Variants in ARHGAP17 observed in about 807,000 individuals in gnomAD.
ARHGAP17 encodes the protein Rho GTPase activating protein 17.
ARHGAP17 carries 57 observed loss-of-function variants against 99.5 expected under a neutral mutation model. The observed-to-expected ratio is 0.57, with a 90% confidence interval of 0.46 to 0.71. ARHGAP17 has a LOEUF of 0.71. Ranked by LOEUF, ARHGAP17 falls within the 30% of genes least tolerant of loss-of-function variation. The pLI is 0.00. For missense variants in ARHGAP17, 1,000 were observed against 1,122.4 expected, an observed-to-expected ratio of 0.89 and a Z score of 1.56; for synonymous variants, 417 against 429.6, an observed-to-expected ratio of 0.97 and a Z score of 0.36.
intron 19 of ARHGAP17, among the ~76,000 whole-genome samples, chr16:24,925,490 G>A (rs542639976): frequency 2.4e-4 from 37 of 152,284 alleles, no homozygotes; most frequent in Non-Finnish European, 4.1e-4. Flanking sequence ...ATGATTTCTC[G>A]TCAGTTTTCT....
In ARHGAP17 at chr16:24,978,964, A is replaced by T; in HGVS notation, c.93+2T>A. 1 of 1,585,228 alleles carries T rather than the reference A, an allele frequency of 6.3e-7. No homozygotes were observed. The highest frequency in any genetic ancestry group is 8.5e-7 in the Non-Finnish European group (1 of 1,169,946). On this transcript the variant is annotated splice_donor_variant, in intron 2 of 19. Coordinates refer to ENST00000289968, the MANE Select transcript of ARHGAP17 (RefSeq NM_001006634.3). LOFTEE classifies it high-confidence loss of function. ...CATTTAAAGGAGACTATATTTTGTT[A>T]CCTGTAATAGATCTTCACTAAGGAC...
At chr16:24,993,032 C>T (rs944534367) in intron 1 of ARHGAP17, among the ~76,000 whole-genome samples, 5 of 152,120 alleles carry the variant, frequency 3.3e-5, no homozygotes, top group African/African-American at 9.7e-5. Flanking sequence ...AACTCCTCGC[C>T]GCAAGTGATC....
At chr16:24,993,584 G>A (rs1171728342) in intron 1 of ARHGAP17, among the ~76,000 whole-genome samples, 1 of 130,358 alleles carries the variant, frequency 7.7e-6, no homozygotes, top group East Asian at 2.5e-4. Flanking sequence ...GTGAGACTCT[G>A]TCTCAAAAAA....
At chr16:24,932,395 C>A (rs184452470) in intron 18 of ARHGAP17, among the ~76,000 whole-genome samples, 128 of 152,274 alleles carry the variant, frequency 8.4e-4, no homozygotes, top group African/African-American at 3.0e-3. Context: ...GAGGCCACCC[C>A]AATGACACGG....
intron 10 of ARHGAP17, among the ~76,000 whole-genome samples, chr16:24,953,455 T>G (rs1467136407): frequency 6.6e-6 from 1 of 152,094 alleles, no homozygotes; most frequent in Admixed American, 6.6e-5. Flanking sequence ...TGGGGGTGGA[T>G]TTCCCTTTTG....
intron 2 of ARHGAP17, among the ~76,000 whole-genome samples, chr16:24,977,744 A>G (rs1010468819): frequency 6.6e-6 from 1 of 152,158 alleles, no homozygotes; most frequent in Non-Finnish European, 1.5e-5. Context: ...CTAAAGCAGA[A>G]TGGACAGTCA....
At chr16:24,997,094 G>A (rs1003236983) in intron 1 of ARHGAP17, among the ~76,000 whole-genome samples, 10 of 152,338 alleles carry the variant, frequency 6.6e-5, no homozygotes, top group South Asian at 4.1e-4. Context: ...AAGGTGCCCA[G>A]TACACATCCA....
Position 24,935,649 on chromosome 16 carries a change from G to C in ARHGAP17, c.1725-10C>G, listed in dbSNP as rs769478021. ...CTTCGGTTTGGGAGGACTAAGAGGA[G>C]TAAAAGTCAAGTTAGACGTCAGACA... On this transcript the variant is annotated splice_polypyrimidine_tract_variant and intron_variant, in intron 17 of 19. Transcript: ENST00000289968. 6.2e-7 allele frequency: 1 copy of C among 1,613,398 alleles called. No individual in the cohort carries two copies. Among genetic ancestry groups the C allele is most frequent in the Non-Finnish European group, 8.5e-7 (1 of 1,179,888 alleles).
intron 17 of ARHGAP17, among the ~76,000 whole-genome samples, chr16:24,938,976 G>A (rs1309633472): frequency 2.0e-5 from 3 of 152,024 alleles, no homozygotes; most frequent in Admixed American, 6.6e-5. Flanking sequence ...CCAGGAATAC[G>A]AAAATTTAAC....
chr16:25,000,145 C>T (rs538881594), intron 1 of ARHGAP17, among the ~76,000 whole-genome samples: 1 of 152,254 alleles, frequency 6.6e-6, no homozygotes, highest in South Asian at 2.1e-4. Flanking sequence ...ATGCAACTGC[C>T]CCAAAGCAGT....
In ARHGAP17 at chr16:24,952,889, C is replaced by T. The variant is rs368988190; in HGVS notation, c.964+42G>A. The T allele has an allele frequency of 1.7e-5, 27 of 1,586,892 alleles. No homozygotes were observed. The African/African-American group carries it at 3.6e-4, about 21-fold the overall frequency. ...TGTCTGAGACAGAACCTGCCCACCG[C>T]CTTGAGGGTGACTTGATTTGCAGAC... On this transcript the variant is annotated intron_variant, in intron 11 of 19. Coordinates refer to ENST00000289968, the MANE Select transcript of ARHGAP17 (RefSeq NM_001006634.3).
rs945596507 is a variant in ARHGAP17 at position 24,999,673 on chromosome 16, G to A, written c.53+15536C>T. Among the ~76,000 whole-genome samples the A allele has an allele frequency of 2.0e-5, 3 of 151,982 alleles. No homozygotes were observed. The East Asian group carries it at 5.8e-4, about 29-fold the overall frequency. On this transcript the variant is annotated intron_variant, in intron 1 of 19. Transcript: ENST00000289968. ...TGGCCTCAAATGACCCTCCTGCCTC[G>A]CCTCCCTAACAACTGGGATACAGGT... is the stretch of plus-strand genomic sequence containing the variant.
chr16:24,977,110 A>G, intron 3 of ARHGAP17, 105 bp downstream of exon 3: 1 of 843,348 alleles, frequency 1.2e-6, no homozygotes, highest in Non-Finnish European at 1.7e-6. Flanking sequence ...AGAAGTCACC[A>G]AAGGCTGATC....
chr16:24,984,065 C>T (rs750452590), intron 1 of ARHGAP17, among the ~76,000 whole-genome samples: 21 of 152,064 alleles, frequency 1.4e-4, no homozygotes, highest in Non-Finnish European at 2.5e-4. Context: ...TTCACTGTAC[C>T]AAAAAGACAG....
At chr16:24,922,399 A>G (rs913502155) in intron 19 of ARHGAP17, among the ~76,000 whole-genome samples, 1 of 152,212 alleles carries the variant, frequency 6.6e-6, no homozygotes, top group Non-Finnish European at 1.5e-5. Flanking sequence ...TCACATATAC[A>G]TAATTTTTAG....
chr16:24,928,487 A>T (rs2050898271), intron 19 of ARHGAP17, among the ~76,000 whole-genome samples: 1 of 152,272 alleles, frequency 6.6e-6, no homozygotes, highest in African/African-American at 2.4e-5. Context: ...TAACAATGGT[A>T]TTAAAAAATA....
chr16:24,986,346 G>A (rs2052869465), intron 1 of ARHGAP17, among the ~76,000 whole-genome samples: 1 of 151,650 alleles, frequency 6.6e-6, no homozygotes. Flanking sequence ...AAACCCAGAG[G>A]GCCTGACTAG....
At chr16:24,977,115 CTG>C in intron 3 of ARHGAP17, 98 bp downstream of exon 3, 2 of 880,488 alleles carry the variant, frequency 2.3e-6, no homozygotes, top group Non-Finnish European at 3.2e-6. Flanking sequence ...TCACCAAAGG[CTG>C]ATCCACTGAT....
rs375634453 is a variant in ARHGAP17 at position 24,971,962 on chromosome 16, A to G, written c.199-1382T>C. ...GGCTTATCTCAGGAGAGGCCTGGCA[A>G]TTACAAGTGGGCTGGTTATAACGTC... On this transcript the variant is annotated intron_variant, in intron 3 of 19. Transcript: ENST00000289968. Among the ~76,000 whole-genome samples, 61 of 152,352 alleles carry G rather than the reference A, an allele frequency of 4.0e-4. No homozygotes were observed. In the South Asian group the frequency reaches 0.013, roughly 32 times the overall value.
Sources: allele counts gnomAD v4.1 joint callset (sites outside exome capture counted in the v4.1 genomes callset), GRCh38; gene constraint gnomAD v4.1.1; transcripts MANE v1.5; gene names NCBI Gene and HGNC (gene_info 2026-07-23, HGNC 2026-07-21).